The following STAG1 variants were observed in gnomAD, a reference collection of about 807,000 sequenced individuals.
The protein encoded by STAG1 is cohesin subunit SA-1.
Under a neutral mutation model 170.9 loss-of-function variants are expected in STAG1, and 26 were observed. The observed-to-expected ratio is 0.15, with a 90% CI of 0.11 to 0.21. The LOEUF (loss-of-function observed/expected upper bound fraction) is 0.21, where lower values mean the gene tolerates loss of function less well. STAG1 is among the 10% of genes least tolerant of loss of function. The pLI is 1.00. For synonymous variants in STAG1, 514 were observed against 497.7 expected, an observed-to-expected ratio of 1.03 and a Z score of -0.44; for missense variants, 964 against 1,509.5, an observed-to-expected ratio of 0.64 and a Z score of 5.99.
intron 12 of STAG1, among the ~76,000 whole-genome samples, chr3:136,470,529 C>T (rs2089599370): frequency 6.6e-6 from 1 of 152,200 alleles, no homozygotes; most frequent in South Asian, 2.1e-4. Flanking sequence ...CACTTTTACA[C>T]TGTTGGTAGG....
At position 136,337,196 on chromosome 3, in the gene STAG1, C is replaced by G. The variant is rs1442307261; in HGVS notation, c.*1058G>C. 1 of 152,638 alleles carries G rather than the reference C, an allele frequency of 6.6e-6. No homozygotes were observed. The highest frequency in any genetic ancestry group is 1.9e-4 in the East Asian group (1 of 5,196). 9.5% of individuals were successfully genotyped at this position (152,638 alleles called of 1,614,324 possible). A position where few individuals can be genotyped will look rare whatever the true frequency, so the allele number is the denominator to read the frequency against. ...AGCACATACTTCTATAATCAGTAAA[C>G]TTAATTCACAAAATTAGCGCATAAG... On this transcript the variant is annotated 3_prime_UTR_variant, in exon 34 of 34. Transcript: ENST00000383202.
At chr3:136,398,882 C>A in intron 21 of STAG1, 53 bp from the exon 22 acceptor site, 1 of 1,103,172 alleles carries the variant, frequency 9.1e-7, no homozygotes, top group Non-Finnish European at 1.3e-6. Context: ...AAAATGAGAT[C>A]ATCTGTTTGC....
At chr3:136,341,826 C>G (rs1935983260) in intron 30 of STAG1, among the ~76,000 whole-genome samples, 1 of 152,196 alleles carries the variant, frequency 6.6e-6, no homozygotes, top group Non-Finnish European at 1.5e-5. Context: ...TGGGCTGGTG[C>G]CGCACTCACA....
At chr3:136,582,693 G>A (rs1248368227) in intron 4 of STAG1, among the ~76,000 whole-genome samples, 1 of 152,282 alleles carries the variant, frequency 6.6e-6, no homozygotes, top group South Asian at 2.1e-4. Context: ...CAGTTACTTG[G>A]GAGGCTGGGG....
chr3:136,346,482 A>G (rs1425762745), intron 29 of STAG1, among the ~76,000 whole-genome samples: 1 of 152,186 alleles, frequency 6.6e-6, no homozygotes, highest in African/African-American at 2.4e-5. Flanking sequence ...TTGACAAAAA[A>G]GTTTTCTTTT....
chr3:136,547,549 T>C (rs891408455), intron 5 of STAG1, among the ~76,000 whole-genome samples: 21 of 152,360 alleles, frequency 1.4e-4, no homozygotes, highest in Admixed American at 1.2e-3. Flanking sequence ...TGAGTTAACA[T>C]ACCTCATGTA....
At chr3:136,558,255 G>A (rs1297403626) in intron 5 of STAG1, among the ~76,000 whole-genome samples, 5 of 152,138 alleles carry the variant, frequency 3.3e-5, no homozygotes, top group Non-Finnish European at 7.3e-5. Flanking sequence ...AGCCAGGCGT[G>A]GTGGCACATG....
At chr3:136,674,314 C>CA (rs1193879578) in intron 1 of STAG1, among the ~76,000 whole-genome samples, 1 of 151,936 alleles carries the variant, frequency 6.6e-6, no homozygotes, top group Non-Finnish European at 1.5e-5. Context: ...TACTCACCAA[C>CA]AAAAAAAGAA....
rs138810355 is a variant in STAG1 at position 136,515,852 on chromosome 3, T to G, written c.676+5361A>C. Among the ~76,000 whole-genome samples, 984 of 152,254 alleles carry G rather than the reference T, an allele frequency of 6.5e-3. 11 individuals carry two copies. Among genetic ancestry groups the G allele is most frequent in the African/African-American group, 0.023 (936 of 41,562 alleles). ...TGCAGATTTCACCAACTATTGGGCA[T>G]TAATCCCACGAGAACATCAGAAGTC... is the stretch of plus-strand genomic sequence containing the variant. On this transcript the variant is annotated intron_variant, in intron 7 of 33. Transcript: ENST00000383202.
At chr3:136,525,254 T>G (rs1039396427) in intron 6 of STAG1, among the ~76,000 whole-genome samples, 3 of 152,208 alleles carry the variant, frequency 2.0e-5, no homozygotes, top group South Asian at 2.1e-4. Flanking sequence ...AGGCTATTAA[T>G]TAGTGTCTCA....
At chr3:136,363,031 TTTC>T (rs1936934899) in intron 26 of STAG1, among the ~76,000 whole-genome samples, 2 of 152,148 alleles carry the variant, frequency 1.3e-5, no homozygotes, top group East Asian at 1.9e-4. Flanking sequence ...TGAAAAACAT[TTTC>T]TTATCTCCTG....
chr3:136,513,080 C>T (rs1487906617), intron 7 of STAG1, among the ~76,000 whole-genome samples: 1 of 151,968 alleles, frequency 6.6e-6, no homozygotes, highest in African/African-American at 2.4e-5. Context: ...GTGTAGTGGC[C>T]CAAGTGGCGG....
intron 1 of STAG1, among the ~76,000 whole-genome samples, chr3:136,751,233 C>T (rs1935216977): frequency 6.8e-6 from 1 of 146,882 alleles, no homozygotes; most frequent in African/African-American, 2.6e-5. Context: ...GACTTATACT[C>T]CCGGAGCACG....
chr3:136,459,230 A>C (rs12330800), intron 13 of STAG1, among the ~76,000 whole-genome samples: 1 of 150,754 alleles, frequency 6.6e-6, no homozygotes, highest in African/African-American at 2.4e-5. Context: ...GAAAAAAAAA[A>C]AAAAAAGAAA....
intron 22 of STAG1, among the ~76,000 whole-genome samples, chr3:136,398,141 A>G (rs2087221558): frequency 6.6e-6 from 1 of 150,392 alleles, no homozygotes; most frequent in South Asian, 2.1e-4. Context: ...TTTTCAGACA[A>G]GAGTCTCACT....
intron 1 of STAG1, among the ~76,000 whole-genome samples, chr3:136,660,590 G>T (rs1473198703): frequency 6.6e-6 from 1 of 152,160 alleles, no homozygotes; most frequent in African/African-American, 2.4e-5. Context: ...ATACTCTAAA[G>T]AGAGACTTTA....
intron 5 of STAG1, among the ~76,000 whole-genome samples, chr3:136,562,096 TAA>T (rs1406162367): frequency 2.0e-5 from 3 of 152,174 alleles, no homozygotes; most frequent in Non-Finnish European, 4.4e-5. Context: ...TTCCAAAGCA[TAA>T]GATATAACAA....
At chr3:136,459,012 G>C (rs189277025) in intron 13 of STAG1, among the ~76,000 whole-genome samples, 28 of 152,274 alleles carry the variant, frequency 1.8e-4, no homozygotes, top group Non-Finnish European at 2.4e-4. Context: ...AAGGTCAAGA[G>C]ATGGAGACCA....
chr3:136,706,006 G>C (rs1943218915), intron 1 of STAG1, among the ~76,000 whole-genome samples: 1 of 151,650 alleles, frequency 6.6e-6, no homozygotes, highest in South Asian at 2.1e-4. Context: ...GGAGATCAAG[G>C]CTACCATAAG....
Sources: allele counts gnomAD v4.1 joint callset (sites outside exome capture counted in the v4.1 genomes callset), GRCh38; gene constraint gnomAD v4.1.1; transcripts MANE v1.5; gene names NCBI Gene and HGNC (gene_info 2026-07-23, HGNC 2026-07-21).